GALNT13: variants seen among roughly 807,000 people sequenced by gnomAD.
The protein encoded by GALNT13 is polypeptide N-acetylgalactosaminyltransferase 13, also known as UDP-GalNAc:polypeptide N-acetylgalactosaminyltransferase 13.
Under a neutral mutation model 64.2 loss-of-function variants are expected in GALNT13, and 28 were observed. The observed-to-expected ratio is 0.44, with a 90% confidence interval of 0.32 to 0.60. GALNT13 has a LOEUF of 0.60. GALNT13 is among the 20% of genes least tolerant of loss of function. The probability of loss-of-function intolerance (pLI) is 0.05; values close to 1 mark genes in which losing one functional copy is unlikely to be tolerated. For synonymous variants in GALNT13, 214 were observed against 224.6 expected, an observed-to-expected ratio of 0.95 and a Z score of 0.42; for missense variants, 577 against 669.8, an observed-to-expected ratio of 0.86 and a Z score of 1.53.
the GALNT13 span, among the ~76,000 whole-genome samples, chr2:153,708,546 C>G: frequency 6.6e-6 from 1 of 152,154 alleles, no homozygotes; most frequent in Admixed American, 6.5e-5. Flanking sequence ...TTATGAGAAT[C>G]TTAAAAAAAT....
At chr2:153,109,966 G>T in the GALNT13 span, among the ~76,000 whole-genome samples, 1 of 152,046 alleles carries the variant, frequency 6.6e-6, no homozygotes, top group African/African-American at 2.4e-5. Flanking sequence ...TCAAGCTTTA[G>T]AATAGGCTGA....
chr2:153,551,175 T>C, the GALNT13 span, among the ~76,000 whole-genome samples: 2 of 152,182 alleles, frequency 1.3e-5, no homozygotes, highest in African/African-American at 4.8e-5. Flanking sequence ...TCATTGGATG[T>C]AGGTTATCGC....
the GALNT13 span, among the ~76,000 whole-genome samples, chr2:153,425,340 A>C: frequency 2.6e-5 from 4 of 151,794 alleles, no homozygotes; most frequent in Non-Finnish European, 5.9e-5. Flanking sequence ...AATTAAAACA[A>C]GAATACATGA....
At chr2:153,991,562 A>T (rs1211060872) in intron 3 of GALNT13, among the ~76,000 whole-genome samples, 1 of 152,152 alleles carries the variant, frequency 6.6e-6, no homozygotes, top group Non-Finnish European at 1.5e-5. Flanking sequence ...ATGAACCATC[A>T]TTAGAACACT....
chr2:154,277,839 A>G (rs749888737), intron 8 of GALNT13, among the ~76,000 whole-genome samples: 20 of 152,224 alleles, frequency 1.3e-4, no homozygotes, highest in Non-Finnish European at 2.4e-4. Flanking sequence ...TATAATTGTC[A>G]AACTAACCAT....
chr2:153,549,273 C>G, the GALNT13 span, among the ~76,000 whole-genome samples: 34 of 152,284 alleles, frequency 2.2e-4, no homozygotes, highest in Non-Finnish European at 4.7e-4. Flanking sequence ...ATATCAAGTG[C>G]TCAATGCTTC....
chr2:154,412,139 T>C (rs1313458231), intron 11 of GALNT13, among the ~76,000 whole-genome samples: 1 of 151,818 alleles, frequency 6.6e-6, no homozygotes, highest in Non-Finnish European at 1.5e-5. Flanking sequence ...CTTAATTTGG[T>C]ATTGTTGATT....
chr2:154,409,750 C>G (rs541936548), intron 11 of GALNT13, among the ~76,000 whole-genome samples: 1 of 151,904 alleles, frequency 6.6e-6, no homozygotes, highest in Non-Finnish European at 1.5e-5. Flanking sequence ...GGTAGCTAAT[C>G]CTCTGTAAAC....
intron 9 of GALNT13, among the ~76,000 whole-genome samples, chr2:154,393,171 A>G (rs772855600): frequency 3.3e-5 from 5 of 152,184 alleles, no homozygotes; most frequent in Non-Finnish European, 7.3e-5. Flanking sequence ...TGAGTTGCAG[A>G]TAAGAGTTTG....
At chr2:153,506,895 G>T in the GALNT13 span, among the ~76,000 whole-genome samples, 2 of 152,194 alleles carry the variant, frequency 1.3e-5, no homozygotes, top group South Asian at 2.1e-4. Flanking sequence ...TCACCAGCAA[G>T]GCCAGGGAAG....
chr2:154,127,369 A>T (rs972811390), intron 3 of GALNT13, among the ~76,000 whole-genome samples: 6 of 152,126 alleles, frequency 3.9e-5, no homozygotes, highest in African/African-American at 1.4e-4. Flanking sequence ...TTCTTGCTTG[A>T]ATAAATTCAC....
the GALNT13 span, among the ~76,000 whole-genome samples, chr2:153,819,163 A>C: frequency 1.3e-5 from 2 of 152,080 alleles, no homozygotes; most frequent in South Asian, 2.1e-4. Context: ...TATGGGCCCA[A>C]AGGTGGAGCC....
chr2:153,756,333 C>T, the GALNT13 span, among the ~76,000 whole-genome samples: 1 of 151,864 alleles, frequency 6.6e-6, no homozygotes, highest in Non-Finnish European at 1.5e-5. Flanking sequence ...TATTTATAAA[C>T]CAAGTAAATA....
chr2:154,202,478 A>G (rs902403243), intron 4 of GALNT13, among the ~76,000 whole-genome samples: 4 of 152,078 alleles, frequency 2.6e-5, no homozygotes, highest in African/African-American at 7.2e-5. Flanking sequence ...GATTATGATT[A>G]TGACTCTCAG....
At chr2:154,057,889 G>A (rs1699977049) in intron 3 of GALNT13, among the ~76,000 whole-genome samples, 2 of 152,094 alleles carry the variant, frequency 1.3e-5, no homozygotes, top group Non-Finnish European at 2.9e-5. Flanking sequence ...AACAATTCTG[G>A]TGACACTCAA....
the GALNT13 span, among the ~76,000 whole-genome samples, chr2:153,484,000 G>A: frequency 6.6e-6 from 1 of 151,962 alleles, no homozygotes; most frequent in African/African-American, 2.4e-5. Flanking sequence ...CCTCTGAATT[G>A]TACATATAAA....
chr2:153,667,798 G>A, the GALNT13 span, among the ~76,000 whole-genome samples: 1 of 152,042 alleles, frequency 6.6e-6, no homozygotes, highest in Non-Finnish European at 1.5e-5. Context: ...AACATAAATG[G>A]CTAAATTCTC....
At chr2:154,011,336 C>T (rs1277818529) in intron 3 of GALNT13, among the ~76,000 whole-genome samples, 1 of 152,004 alleles carries the variant, frequency 6.6e-6, no homozygotes, top group African/African-American at 2.4e-5. Flanking sequence ...CATTGTTTAC[C>T]CAAATGTCAT....
chr2:153,726,880 C>G, the GALNT13 span, among the ~76,000 whole-genome samples: 5 of 145,208 alleles, frequency 3.4e-5, no homozygotes, highest in Non-Finnish European at 7.4e-5. Context: ...ACAGAGCTTG[C>G]AGTGAGCCGA....
Sources: allele counts gnomAD v4.1 joint callset (sites outside exome capture counted in the v4.1 genomes callset), GRCh38; gene constraint gnomAD v4.1.1; transcripts MANE v1.5; gene names NCBI Gene and HGNC (gene_info 2026-07-23, HGNC 2026-07-21).